Variants in RECK observed in about 807,000 individuals in gnomAD.
RECK encodes the protein reversion inducing cysteine rich protein with kazal motifs.
RECK carries 69 observed loss-of-function variants against 115.1 expected under a neutral mutation model. That is an observed-to-expected ratio of 0.60 (90% CI 0.49 to 0.73). The LOEUF (loss-of-function observed/expected upper bound fraction) is 0.73. Among genes scored for constraint, RECK ranks in the 30% least tolerant of loss-of-function variants. The probability of loss-of-function intolerance (pLI) is 0.00; values close to 1 mark genes in which losing one functional copy is unlikely to be tolerated. For missense variants in RECK, 1,047 were observed against 1,203.7 expected, an observed-to-expected ratio of 0.87 and a Z score of 1.93; for synonymous variants, 414 against 419.7, an observed-to-expected ratio of 0.99 and a Z score of 0.17.
intron 7 of RECK, among the ~76,000 whole-genome samples, chr9:36,082,152 T>TTCTCTC (rs71508008): frequency 0.081 from 9,233 of 113,616 alleles, 626 homozygotes; most frequent in Middle Eastern, 0.16. Flanking sequence ...CCTCCCTGCT[T>TTCTCTC]TCTCTCTCTC....
Position 36,109,969 on chromosome 9 carries a change from C to A in RECK, c.1778C>A (p.Ser593Tyr). 6.2e-7 allele frequency: 1 copy of A among 1,612,614 alleles called. No individual in the cohort carries two copies. The highest frequency in any genetic ancestry group is 1.1e-5 in the South Asian group (1 of 91,038). ...VGGKRKSHGT[S>Y]FSIDCNVCSC... ...CTGTTTCTGTCAGGTCATGGAACAT[C>A]CTTTAGTATTGACTGCAATGTCTGT... Residue 593 changes from serine to tyrosine, a missense_variant, in exon 15 of 21, where the codon TCC becomes TAC. Transcript: ENST00000377966.
chr9:36,047,087 T>C (rs1270564782), intron 1 of RECK, among the ~76,000 whole-genome samples: 4 of 152,224 alleles, frequency 2.6e-5, no homozygotes, highest in Non-Finnish European at 5.9e-5. Flanking sequence ...ATATGTTATC[T>C]TGAATTACCT....
At chr9:36,118,461 A>G (rs1173708348) in intron 17 of RECK, among the ~76,000 whole-genome samples, 1 of 152,186 alleles carries the variant, frequency 6.6e-6, no homozygotes, top group Non-Finnish European at 1.5e-5. Context: ...TGAGCAGAGC[A>G]GAGAGAGGTA....
At chr9:36,098,044 A>AGGAGAGAGAAGAGGGAGGAGAGAGG (rs1823421505) in intron 10 of RECK, among the ~76,000 whole-genome samples, 4 of 152,154 alleles carry the variant, frequency 2.6e-5, no homozygotes, top group Non-Finnish European at 5.9e-5. Flanking sequence ...GTGCAGGAGG[A>AGGAGAGAGAAGAGGGAGGAGAGAGG]GGAGAGAGAA....
At chr9:36,096,370 C>G (rs1227911349) in intron 10 of RECK, among the ~76,000 whole-genome samples, 2 of 151,534 alleles carry the variant, frequency 1.3e-5, no homozygotes, top group East Asian at 3.9e-4. Flanking sequence ...AACCTCGTCT[C>G]TACTAAAAAT....
intron 20 of RECK, 124 bp downstream of exon 20, chr9:36,121,812 G>A: frequency 4.0e-6 from 4 of 1,011,400 alleles, no homozygotes; most frequent in South Asian, 3.2e-5. Flanking sequence ...CATTTGGGAA[G>A]TTCAGCGGGA....
intron 1 of RECK, among the ~76,000 whole-genome samples, chr9:36,047,681 A>G (rs1004223767): frequency 2.6e-5 from 4 of 152,118 alleles, no homozygotes; most frequent in Non-Finnish European, 5.9e-5. Context: ...GCCTTACTAC[A>G]ATCAAGGCAC....
intron 4 of RECK, among the ~76,000 whole-genome samples, chr9:36,063,179 T>C (rs1395433570): frequency 6.6e-6 from 1 of 152,142 alleles, no homozygotes; most frequent in Non-Finnish European, 1.5e-5. Context: ...CATCTTTCAG[T>C]TTCACAATCA....
intron 4 of RECK, among the ~76,000 whole-genome samples, chr9:36,060,445 A>G (rs1212505443): frequency 6.6e-6 from 1 of 152,058 alleles, no homozygotes; most frequent in Non-Finnish European, 1.5e-5. Context: ...ATTTATTCTC[A>G]TTCACTCAGT....
chr9:36,117,843 G>A (rs1824320100), intron 17 of RECK, among the ~76,000 whole-genome samples: 1 of 152,160 alleles, frequency 6.6e-6, no homozygotes, highest in African/African-American at 2.4e-5. Flanking sequence ...AGCTGGGCAT[G>A]GTGGCACATG....
intron 13 of RECK, among the ~76,000 whole-genome samples, chr9:36,106,588 T>G (rs1823829041): frequency 6.6e-6 from 1 of 151,938 alleles, no homozygotes; most frequent in Non-Finnish European, 1.5e-5. Flanking sequence ...AAGCATGATG[T>G]CTCAAAGGAT....
intron 10 of RECK, among the ~76,000 whole-genome samples, chr9:36,098,003 A>G (rs1823419356): frequency 6.6e-6 from 1 of 152,208 alleles, no homozygotes; most frequent in Non-Finnish European, 1.5e-5. Flanking sequence ...AGAATAGAAT[A>G]GTGGTTACCA....
chr9:36,084,081 C>CA (rs963878640), intron 8 of RECK, among the ~76,000 whole-genome samples: 4 of 150,718 alleles, frequency 2.7e-5, no homozygotes, highest in Admixed American at 6.6e-5. Context: ...TGGCAACCAA[C>CA]AAAAAAAAAG....
chr9:36,116,274 A>G (rs1198461219), intron 16 of RECK, among the ~76,000 whole-genome samples: 1 of 151,978 alleles, frequency 6.6e-6, no homozygotes, highest in Non-Finnish European at 1.5e-5. Flanking sequence ...GATTACAGGC[A>G]TGCGCCACCA....
intron 6 of RECK, 56 bp downstream of exon 6, chr9:36,065,680 C>T: frequency 7.8e-7 from 1 of 1,283,656 alleles, no homozygotes; most frequent in East Asian, 2.8e-5. Context: ...TCAGAATTAA[C>T]AAAATTACTT....
At chr9:36,109,722 T>C (rs1823959923) in intron 14 of RECK, among the ~76,000 whole-genome samples, 1 of 152,026 alleles carries the variant, frequency 6.6e-6, no homozygotes, top group African/African-American at 2.4e-5. Flanking sequence ...TGTACACCTA[T>C]AGTCCCAGTT....
At chr9:36,049,737 T>C (rs1324667117) in intron 1 of RECK, among the ~76,000 whole-genome samples, 1 of 152,216 alleles carries the variant, frequency 6.6e-6, no homozygotes, top group Non-Finnish European at 1.5e-5. Context: ...TTATTTATTA[T>C]ACAGTGTTCT....
At chr9:36,039,700 G>A (rs1389765537) in intron 1 of RECK, among the ~76,000 whole-genome samples, 1 of 152,160 alleles carries the variant, frequency 6.6e-6, no homozygotes, top group Non-Finnish European at 1.5e-5. Context: ...AACCTTAAGG[G>A]CCAGGTTTCA....
chr9:36,077,332 G>A lies in RECK; in HGVS notation c.406-3273G>A, dbSNP rs74833798. Among the ~76,000 whole-genome samples the A allele has an allele frequency of 2.7e-3, 407 of 152,244 alleles. 4 individuals carry two copies. The highest frequency in any genetic ancestry group is 9.3e-3 in the African/African-American group (388 of 41,546). ...AGCTAAGACTTCAAGACAGGCTGAC[G>A]TAAGAAATGAAGAAACTATTAAGTT... On this transcript the variant is annotated intron_variant, in intron 6 of 20. Transcript: ENST00000377966.
Sources: gnomAD v4.1 joint callset for allele counts (sites outside exome capture counted in the v4.1 genomes callset) on GRCh38, gnomAD v4.1.1 for gene constraint, MANE v1.5 for transcripts, NCBI Gene and HGNC (gene_info 2026-07-23, HGNC 2026-07-21) for gene names.